The following SEMA6D variants were observed in gnomAD, a reference collection of about 807,000 sequenced individuals.
SEMA6D encodes semaphorin-6D.
In SEMA6D, 35 loss-of-function variants were observed where a neutral mutation model predicts 106.6. The ratio of observed to expected loss-of-function variants is 0.33; its 90% CI spans 0.25 to 0.44. The LOEUF (loss-of-function observed/expected upper bound fraction) is 0.44, where lower values mean the gene tolerates loss of function less well. Ranked by LOEUF, SEMA6D falls within the 20% of genes least tolerant of loss-of-function variation. The pLI is 1.00. For missense variants in SEMA6D, 1,185 were observed against 1,345.9 expected (o/e 0.88, Z 1.87); for synonymous variants, 499 against 487.7 (o/e 1.02, Z -0.31).
At chr15:47,206,499 C>T (rs1400716694) in intron 1 of SEMA6D, among the ~76,000 whole-genome samples, 1 of 152,162 alleles carries the variant, frequency 6.6e-6, no homozygotes, top group Middle Eastern at 3.2e-3. Flanking sequence ...TTTCCCATCA[C>T]CCTGAAATGA....
At chr15:47,669,853 C>T (rs1232933474) in intron 4 of SEMA6D, among the ~76,000 whole-genome samples, 1 of 152,168 alleles carries the variant, frequency 6.6e-6, no homozygotes, top group African/African-American at 2.4e-5. Context: ...AAGTCTAACG[C>T]TTAGCAGCTG....
At chr15:47,667,589 C>A (rs1394361915) in intron 4 of SEMA6D, among the ~76,000 whole-genome samples, 2 of 152,164 alleles carry the variant, frequency 1.3e-5, no homozygotes, top group African/African-American at 4.8e-5. Context: ...AAATTTATTT[C>A]TCACAGTTGC....
intron 3 of SEMA6D, among the ~76,000 whole-genome samples, chr15:47,531,711 A>G (rs908534607): frequency 5.3e-5 from 8 of 152,160 alleles, no homozygotes; most frequent in Non-Finnish European, 1.2e-4. Context: ...TCAGGACACA[A>G]TGCTTTATTG....
chr15:47,703,095 T>C (rs548588087), intron 4 of SEMA6D, among the ~76,000 whole-genome samples: 9 of 152,306 alleles, frequency 5.9e-5, no homozygotes, highest in African/African-American at 2.4e-5. Context: ...AGCAAAAATA[T>C]GCTTATTTCA....
chr15:47,310,972 AACAAAAGT>A (rs2036426952), intron 1 of SEMA6D, among the ~76,000 whole-genome samples: 1 of 152,208 alleles, frequency 6.6e-6, no homozygotes, highest in Non-Finnish European at 1.5e-5. Flanking sequence ...GCCAAAACTG[AACAAAAGT>A]ACAACACAAT....
At chr15:47,194,323 C>T (rs1163801912) in intron 1 of SEMA6D, among the ~76,000 whole-genome samples, 1 of 152,066 alleles carries the variant, frequency 6.6e-6, no homozygotes, top group East Asian at 1.9e-4. Flanking sequence ...CTTAAAAATG[C>T]TTGTCAAAAC....
intron 3 of SEMA6D, among the ~76,000 whole-genome samples, chr15:47,552,944 C>T (rs7342598): frequency 0.017 from 2,173 of 125,344 alleles, 79 homozygotes; most frequent in African/African-American, 0.061. Flanking sequence ...CACTCTGTCA[C>T]CCAGGCTGGA....
At chr15:47,465,891 G>T (rs1291668609) in intron 2 of SEMA6D, among the ~76,000 whole-genome samples, 1 of 138,470 alleles carries the variant, frequency 7.2e-6, no homozygotes, top group Admixed American at 7.5e-5. Flanking sequence ...TGCCAATTCT[G>T]CAATAATATT....
intron 1 of SEMA6D, among the ~76,000 whole-genome samples, chr15:47,740,606 C>T (rs746245941): frequency 3.9e-5 from 6 of 152,192 alleles, no homozygotes; most frequent in Non-Finnish European, 8.8e-5. Flanking sequence ...CTCATATCCA[C>T]TCTGCCTGGT....
chr15:47,669,371 T>C (rs182025043), intron 4 of SEMA6D, among the ~76,000 whole-genome samples: 157 of 152,350 alleles, frequency 1.0e-3, no homozygotes, highest in African/African-American at 3.6e-3. Context: ...AGGGCTTCTT[T>C]TATTTTTCTC....
intron 1 of SEMA6D, among the ~76,000 whole-genome samples, chr15:47,376,674 G>T (rs947150756): frequency 6.6e-6 from 1 of 152,224 alleles, no homozygotes; most frequent in African/African-American, 2.4e-5. Context: ...ACAATGGGAA[G>T]CTGGGGAGCA....
chr15:47,551,936 G>T (rs893494895), intron 3 of SEMA6D, among the ~76,000 whole-genome samples: 3 of 151,990 alleles, frequency 2.0e-5, no homozygotes, highest in Non-Finnish European at 4.4e-5. Flanking sequence ...CTTTGAAAAG[G>T]AATTTGACCT....
chr15:47,340,561 T>TA (rs942736655), intron 1 of SEMA6D, among the ~76,000 whole-genome samples: 172 of 152,072 alleles, frequency 1.1e-3, no homozygotes, highest in African/African-American at 4.0e-3. Flanking sequence ...CATTCATAGT[T>TA]AAAAAAAATC....
intron 1 of SEMA6D, among the ~76,000 whole-genome samples, chr15:47,755,580 G>T (rs2081673544): frequency 6.6e-6 from 1 of 152,096 alleles, no homozygotes; most frequent in Admixed American, 6.6e-5. Context: ...TATCCATTCA[G>T]TCTGGGACTT....
chr15:47,215,031 CT>C (rs1245765941), intron 1 of SEMA6D, among the ~76,000 whole-genome samples: 1 of 151,574 alleles, frequency 6.6e-6, no homozygotes, highest in Non-Finnish European at 1.5e-5. Flanking sequence ...GATCTGATGA[CT>C]GTTTTATAAA....
chr15:47,301,951 T>A (rs2036040584), intron 1 of SEMA6D, among the ~76,000 whole-genome samples: 1 of 152,148 alleles, frequency 6.6e-6, no homozygotes, highest in African/African-American at 2.4e-5. Context: ...TAGGCTTTTA[T>A]TCAGAGACTA....
At chr15:47,254,311 G>GTA (rs1230202220) in intron 1 of SEMA6D, among the ~76,000 whole-genome samples, 32 of 103,578 alleles carry the variant, frequency 3.1e-4, no homozygotes, top group Non-Finnish European at 5.5e-4. Context: ...GTATATATAT[G>GTA]TATATATATG....
intron 3 of SEMA6D, among the ~76,000 whole-genome samples, chr15:47,480,852 CT>C (rs2043135190): frequency 6.6e-6 from 1 of 152,166 alleles, no homozygotes; most frequent in African/African-American, 2.4e-5. Context: ...CTTTCTTCCC[CT>C]GGTGAACTCG....
intron 2 of SEMA6D, among the ~76,000 whole-genome samples, chr15:47,440,571 T>A (rs1030766523): frequency 6.6e-6 from 1 of 151,750 alleles, no homozygotes. Context: ...CTGCCATTCA[T>A]GCATGAGGGA....
Sources: allele counts gnomAD v4.1 joint callset (sites outside exome capture counted in the v4.1 genomes callset), GRCh38; gene constraint gnomAD v4.1.1; transcripts MANE v1.5; gene names NCBI Gene and HGNC (gene_info 2026-07-23, HGNC 2026-07-21).